LHFPL3: variants seen among roughly 807,000 people sequenced by gnomAD.
The protein encoded by LHFPL3 is LHFPL tetraspan subfamily member 3, also known as LHFPL tetraspan subfamily member 3 protein.
A neutral mutation model predicts 19.3 loss-of-function variants in LHFPL3; 5 were observed. The ratio of observed to expected loss-of-function variants is 0.26; its 90% CI spans 0.14 to 0.54. LHFPL3 has a LOEUF of 0.54. LHFPL3 is among the 20% of genes least tolerant of loss of function. The pLI, the probability that LHFPL3 is intolerant of heterozygous loss-of-function variation, is 0.94. For synonymous variants in LHFPL3, 133 were observed against 126.2 expected (o/e 1.05, Z -0.36); for missense variants, 249 against 307.4 (o/e 0.81, Z 1.42).
At chr7:104,745,714 T>C (rs907332169) in intron 2 of LHFPL3, among the ~76,000 whole-genome samples, 1 of 152,172 alleles carries the variant, frequency 6.6e-6, no homozygotes. Context: ...AGAGCTGCCC[T>C]GGGTTGAAAA....
chr7:104,374,388 T>G (rs555803738), intron 1 of LHFPL3, among the ~76,000 whole-genome samples: 1 of 152,098 alleles, frequency 6.6e-6, no homozygotes, highest in East Asian at 1.9e-4. Context: ...ACTACAGGCA[T>G]GCACCACCAC....
chr7:104,457,948 T>G (rs1792579557), intron 1 of LHFPL3, among the ~76,000 whole-genome samples: 1 of 143,336 alleles, frequency 7.0e-6, no homozygotes, highest in Non-Finnish European at 1.5e-5. Flanking sequence ...CTTCACCCAC[T>G]TTTTGATGGG....
chr7:104,417,351 G>A (rs1407990613), intron 1 of LHFPL3, among the ~76,000 whole-genome samples: 1 of 152,122 alleles, frequency 6.6e-6, no homozygotes, highest in Non-Finnish European at 1.5e-5. Flanking sequence ...TAGTATGCCA[G>A]TGTCCCTGTT....
chr7:104,837,908 T>C lies in LHFPL3; in HGVS notation c.683-68279T>C, dbSNP rs368828229. ...GTTCAATAAGTGATTCTTGAACGAATAAATGTTTAATGCTAGCATGCCTTC... is the reference window on the plus strand; with the variant it reads ...GTTCAATAAGTGATTCTTGAACGAACAAATGTTTAATGCTAGCATGCCTTC... On this transcript the variant is annotated intron_variant, in intron 2 of 2. Coordinates refer to ENST00000424859, the MANE Select transcript of LHFPL3 (RefSeq NM_199000.3). Among the ~76,000 whole-genome samples the C allele has an allele frequency of 2.6e-5, 4 of 152,206 alleles. No individual in the cohort carries two copies. In the East Asian group the frequency reaches 5.8e-4, roughly 22 times the overall value.
At chr7:104,876,419 C>A (rs1397685592) in intron 2 of LHFPL3, among the ~76,000 whole-genome samples, 7 of 151,988 alleles carry the variant, frequency 4.6e-5, no homozygotes, top group South Asian at 4.2e-4. Flanking sequence ...CAATGAACTC[C>A]AACAAATTTA....
intron 1 of LHFPL3, among the ~76,000 whole-genome samples, chr7:104,594,574 T>C (rs6466001): frequency 1.3e-5 from 2 of 152,056 alleles, no homozygotes; most frequent in Admixed American, 1.3e-4. Flanking sequence ...CTGAATTTGA[T>C]TGTTGGCCTG....
intron 1 of LHFPL3, among the ~76,000 whole-genome samples, chr7:104,486,285 ATTTCTCATT>A (rs1356620552): frequency 2.0e-5 from 3 of 152,096 alleles, no homozygotes; most frequent in Non-Finnish European, 4.4e-5. Context: ...CCCCTTTATC[ATTTCTCATT>A]TTACTCATTT....
At chr7:104,426,467 G>A (rs867273961) in intron 1 of LHFPL3, among the ~76,000 whole-genome samples, 1 of 152,046 alleles carries the variant, frequency 6.6e-6, no homozygotes, top group Non-Finnish European at 1.5e-5. Context: ...TGTTGGTCAG[G>A]CTTGTCTGGA....
chr7:104,377,131 G>T (rs1233146189), intron 1 of LHFPL3, among the ~76,000 whole-genome samples: 1 of 152,126 alleles, frequency 6.6e-6, no homozygotes, highest in South Asian at 2.1e-4. Flanking sequence ...GGGTGGCAGG[G>T]GACTGGATGC....
intron 2 of LHFPL3, among the ~76,000 whole-genome samples, chr7:104,864,743 A>C (rs984886026): frequency 2.0e-5 from 3 of 152,214 alleles, no homozygotes; most frequent in Non-Finnish European, 4.4e-5. Context: ...TGAAGAGAGT[A>C]GTGGTTCTAC....
chr7:104,466,615 G>A (rs1792790124), intron 1 of LHFPL3, among the ~76,000 whole-genome samples: 1 of 152,134 alleles, frequency 6.6e-6, no homozygotes, highest in Admixed American at 6.5e-5. Context: ...CCACTCCTCT[G>A]CCAATGTTTC....
intron 1 of LHFPL3, among the ~76,000 whole-genome samples, chr7:104,551,800 C>A (rs1183514696): frequency 6.6e-6 from 1 of 152,102 alleles, no homozygotes; most frequent in Non-Finnish European, 1.5e-5. Flanking sequence ...GGATAGTTCT[C>A]CCAGGGAGAA....
intron 1 of LHFPL3, among the ~76,000 whole-genome samples, chr7:104,598,764 T>A (rs1790911629): frequency 6.6e-6 from 1 of 152,206 alleles, no homozygotes; most frequent in Non-Finnish European, 1.5e-5. Context: ...AGGAAATCAT[T>A]ATACATCCAC....
At chr7:104,557,662 T>G (rs959840716) in intron 1 of LHFPL3, among the ~76,000 whole-genome samples, 2 of 152,070 alleles carry the variant, frequency 1.3e-5, no homozygotes, top group African/African-American at 4.8e-5. Context: ...TTTTTATTTT[T>G]TATTTTTATT....
chr7:104,366,824 A>G (rs1376714532), intron 1 of LHFPL3, among the ~76,000 whole-genome samples: 2 of 152,240 alleles, frequency 1.3e-5, no homozygotes, highest in Non-Finnish European at 2.9e-5. Flanking sequence ...AACAGAAATG[A>G]GAACCTAGGT....
At position 104,555,009 on chromosome 7, in the gene LHFPL3, T is replaced by C. The variant is rs75208708; in HGVS notation, c.446-181666T>C. Among the ~76,000 whole-genome samples the C allele has an allele frequency of 3.5e-3, 531 of 152,274 alleles. 6 individuals carry two copies. Among genetic ancestry groups the C allele is most frequent in the African/African-American group, 0.01 (436 of 41,544 alleles). On this transcript the variant is annotated intron_variant, in intron 1 of 2. Coordinates refer to ENST00000424859, the MANE Select transcript of LHFPL3 (RefSeq NM_199000.3). ...AGCAAATTCACATTTCCTCTGCCTT[T>C]TGGTTTTATCCAGGCTCCCAGGTGA...
intron 1 of LHFPL3, among the ~76,000 whole-genome samples, chr7:104,547,226 G>A (rs1231624190): frequency 8.3e-6 from 1 of 120,672 alleles, no homozygotes; most frequent in Non-Finnish European, 1.6e-5. Context: ...CTGGGCGACA[G>A]AGCGAGACTC....
chr7:104,823,737 G>A (rs551332516), intron 2 of LHFPL3, among the ~76,000 whole-genome samples: 23 of 152,032 alleles, frequency 1.5e-4, no homozygotes, highest in South Asian at 4.1e-4. Context: ...TTCTCGCTCC[G>A]CTTCAAAGAG....
At chr7:104,657,849 C>T (rs533310419) in intron 1 of LHFPL3, among the ~76,000 whole-genome samples, 1 of 152,346 alleles carries the variant, frequency 6.6e-6, no homozygotes, top group Non-Finnish European at 1.5e-5. Flanking sequence ...ACTTGAGCTG[C>T]TCTAACAATA....
Sources: gnomAD v4.1 joint callset for allele counts (sites outside exome capture counted in the v4.1 genomes callset) on GRCh38, gnomAD v4.1.1 for gene constraint, MANE v1.5 for transcripts, NCBI Gene and HGNC (gene_info 2026-07-23, HGNC 2026-07-21) for gene names.